Variants in TMEM178B observed in about 807,000 individuals in gnomAD.
TMEM178B encodes transmembrane protein 178B.
A neutral mutation model predicts 31.0 loss-of-function variants in TMEM178B; 5 were observed. The ratio of observed to expected loss-of-function variants is 0.16; its 90% confidence interval spans 0.08 to 0.34. TMEM178B has a LOEUF of 0.34. Ranked by LOEUF, TMEM178B falls within the 10% of genes least tolerant of loss-of-function variation. TMEM178B has a pLI of 1.00. For synonymous variants in TMEM178B, 164 were observed against 164.0 expected (o/e 1.00, Z 0.00); for missense variants, 275 against 400.3 (o/e 0.69, Z 2.67).
intron 2 of TMEM178B, among the ~76,000 whole-genome samples, chr7:141,367,072 C>G (rs1468874463): frequency 1.6e-5 from 2 of 121,776 alleles, no homozygotes; most frequent in Admixed American, 1.1e-4. Context: ...TCAGGGGGAG[C>G]CACATGACAG....
At chr7:141,469,813 C>T (rs750394243) in intron 3 of TMEM178B, among the ~76,000 whole-genome samples, 14 of 152,122 alleles carry the variant, frequency 9.2e-5, no homozygotes, top group South Asian at 2.1e-4. Flanking sequence ...TTTAAGAGGA[C>T]GTCCCATCAT....
At chr7:141,299,621 C>T (rs1160155826) in intron 2 of TMEM178B, among the ~76,000 whole-genome samples, 1 of 152,088 alleles carries the variant, frequency 6.6e-6, no homozygotes, top group Non-Finnish European at 1.5e-5. Context: ...ATAGGAAAAC[C>T]CCATGAGATC....
intron 3 of TMEM178B, among the ~76,000 whole-genome samples, chr7:141,457,127 G>C (rs1482919574): frequency 6.6e-6 from 1 of 152,060 alleles, no homozygotes; most frequent in Non-Finnish European, 1.5e-5. Context: ...CAAGTGGAGT[G>C]GGCTAGAGGT....
At chr7:141,280,416 G>A (rs1473404967) in intron 2 of TMEM178B, among the ~76,000 whole-genome samples, 1 of 152,144 alleles carries the variant, frequency 6.6e-6, no homozygotes, top group African/African-American at 2.4e-5. Flanking sequence ...CCCCCATACT[G>A]TTCTCGTGGT....
chr7:141,420,101 C>T (rs1801176153), intron 2 of TMEM178B, among the ~76,000 whole-genome samples: 1 of 152,086 alleles, frequency 6.6e-6, no homozygotes, highest in Non-Finnish European at 1.5e-5. Context: ...CTTTCTTGAC[C>T]TCCATATGTT....
At chr7:141,432,146 C>CTTTTTTTTTTTTTTTTTTTTTTTTT (rs71170797) in intron 2 of TMEM178B, among the ~76,000 whole-genome samples, 5 of 79,082 alleles carry the variant, frequency 6.3e-5, no homozygotes, top group African/African-American at 1.0e-4. Flanking sequence ...TTCACTGCAT[C>CTTTTTTTTTTTTTTTTTTTTTTTTT]TTTTTTTTTT....
At chr7:141,352,774 C>G (rs1799756157) in intron 2 of TMEM178B, 1 of 153,122 alleles carries the variant, frequency 6.5e-6, no homozygotes, top group Non-Finnish European at 1.5e-5. Context: ...CCTGAGGCAG[C>G]TGTGTGGGTT....
At chr7:141,114,405 T>A (rs1463690201) in intron 1 of TMEM178B, among the ~76,000 whole-genome samples, 1 of 152,126 alleles carries the variant, frequency 6.6e-6, no homozygotes, top group Non-Finnish European at 1.5e-5. Flanking sequence ...CTGCACTGTA[T>A]CTCCCTTCAG....
At chr7:141,359,011 C>T (rs1286966717) in intron 2 of TMEM178B, among the ~76,000 whole-genome samples, 1 of 152,140 alleles carries the variant, frequency 6.6e-6, no homozygotes, top group Middle Eastern at 3.2e-3. Flanking sequence ...AGCTGCTTTT[C>T]ATAAAATGGT....
chr7:141,444,972 G>T (rs1801726696), intron 3 of TMEM178B, among the ~76,000 whole-genome samples: 1 of 152,100 alleles, frequency 6.6e-6, no homozygotes, highest in African/African-American at 2.4e-5. Context: ...AAAGCACAAA[G>T]GGGCATATGG....
In TMEM178B at chr7:141,368,539, G is replaced by T. The variant is rs143080233; in HGVS notation, c.497-69069G>T. 1.4e-4 allele frequency among the ~76,000 whole-genome samples: 21 copies of T among 152,280 alleles called. No individual in the cohort carries two copies. The East Asian group carries it at 2.1e-3, about 15-fold the overall frequency. ...CATTATATCACAAAAATTTTGCACTGTTAAAAGTACTTCAAGAATATGAAA... is the reference window on the plus strand; with the variant it reads ...CATTATATCACAAAAATTTTGCACTTTTAAAAGTACTTCAAGAATATGAAA... On this transcript the variant is annotated intron_variant, in intron 2 of 3. Transcript: ENST00000565468.
chr7:141,159,383 A>G (rs1294988675), intron 1 of TMEM178B, among the ~76,000 whole-genome samples: 1 of 152,230 alleles, frequency 6.6e-6, no homozygotes, highest in African/African-American at 2.4e-5. Flanking sequence ...TCTGGAAAAC[A>G]GTATGGTAGC....
intron 1 of TMEM178B, among the ~76,000 whole-genome samples, chr7:141,155,266 C>CTCA (rs1408535516): frequency 6.6e-6 from 1 of 152,204 alleles, no homozygotes; most frequent in Non-Finnish European, 1.5e-5. Context: ...GAGTCGGGTA[C>CTCA]TCATCATACA....
chr7:141,231,313 G>GAAA (rs11370976), intron 2 of TMEM178B, among the ~76,000 whole-genome samples: 5 of 143,436 alleles, frequency 3.5e-5, no homozygotes, highest in African/African-American at 7.6e-5. Flanking sequence ...CTCAAGAGAA[G>GAAA]AAAAAAAAAA....
chr7:141,246,387 C>T (rs1797730154), intron 2 of TMEM178B, among the ~76,000 whole-genome samples: 1 of 152,160 alleles, frequency 6.6e-6, no homozygotes, highest in Non-Finnish European at 1.5e-5. Flanking sequence ...TTATCAGGTT[C>T]AGTACGATGT....
intron 2 of TMEM178B, among the ~76,000 whole-genome samples, chr7:141,267,947 T>A (rs556512844): frequency 6.6e-6 from 1 of 152,334 alleles, no homozygotes; most frequent in South Asian, 2.1e-4. Context: ...AAAGTCAGTG[T>A]TGGAGCTGAT....
intron 1 of TMEM178B, among the ~76,000 whole-genome samples, chr7:141,192,076 TA>T: frequency 6.6e-6 from 1 of 152,230 alleles, no homozygotes; most frequent in Non-Finnish European, 1.5e-5. Context: ...TATCATTTAT[TA>T]AATAAACCAT....
At chr7:141,169,663 C>T (rs940669157) in intron 1 of TMEM178B, among the ~76,000 whole-genome samples, 2 of 152,190 alleles carry the variant, frequency 1.3e-5, no homozygotes, top group African/African-American at 4.8e-5. Context: ...TAATCACTTG[C>T]AGAAAACTCT....
At chr7:141,101,997 T>A (rs945036539) in intron 1 of TMEM178B, among the ~76,000 whole-genome samples, 1 of 152,034 alleles carries the variant, frequency 6.6e-6, no homozygotes, top group African/African-American at 2.4e-5. Flanking sequence ...TTTTGTTTTT[T>A]TTCAGTAGGT....
Sources: gnomAD v4.1 joint callset for allele counts (sites outside exome capture counted in the v4.1 genomes callset) on GRCh38, gnomAD v4.1.1 for gene constraint, MANE v1.5 for transcripts, NCBI Gene and HGNC (gene_info 2026-07-23, HGNC 2026-07-21) for gene names.